The following FBN2 variants were observed in gnomAD, a reference collection of about 807,000 sequenced individuals.
FBN2 encodes the protein fibrillin-2.
Under a neutral mutation model 355.6 loss-of-function variants are expected in FBN2, and 105 were observed. That is an observed-to-expected ratio of 0.30 (90% CI 0.25 to 0.35). The LOEUF (loss-of-function observed/expected upper bound fraction) is 0.35, where lower values mean the gene tolerates loss of function less well. Ranked by LOEUF, FBN2 falls within the 10% of genes least tolerant of loss-of-function variation. The pLI is 1.00. For missense variants in FBN2, 3,280 were observed against 3,758.7 expected, an observed-to-expected ratio of 0.87 and a Z score of 3.33; for synonymous variants, 1,350 against 1,301.2, an observed-to-expected ratio of 1.04 and a Z score of -0.81.
intron 31 of FBN2, among the ~76,000 whole-genome samples, chr5:128,333,640 T>C (rs1581222596): frequency 6.6e-6 from 1 of 152,204 alleles, no homozygotes. Context: ...GGGAATGTTA[T>C]CTGGAAAGTA....
intron 7 of FBN2, among the ~76,000 whole-genome samples, chr5:128,426,393 T>G (rs1581282834): frequency 6.6e-6 from 1 of 152,268 alleles, no homozygotes; most frequent in African/African-American, 2.4e-5. Context: ...GCCTGTAGAC[T>G]TAGGACGATA....
chr5:128,393,677 G>A (rs1278452870), intron 9 of FBN2, among the ~76,000 whole-genome samples: 1 of 152,138 alleles, frequency 6.6e-6, no homozygotes, highest in Non-Finnish European at 1.5e-5. Context: ...TATAAATACA[G>A]AAAATTTACT....
At chr5:128,457,583 C>G (rs1420666414) in intron 6 of FBN2, among the ~76,000 whole-genome samples, 2 of 152,148 alleles carry the variant, frequency 1.3e-5, no homozygotes, top group African/African-American at 4.8e-5. Context: ...AAGGGAAGCA[C>G]ATCAGACTAA....
chr5:128,469,731 G>A (rs1754806406), intron 5 of FBN2, among the ~76,000 whole-genome samples: 1 of 152,098 alleles, frequency 6.6e-6, no homozygotes, highest in African/African-American at 2.4e-5. Context: ...AAAAATGAAC[G>A]GGTGAATGTG....
At chr5:128,296,829 C>G (rs1359177755) in intron 48 of FBN2, among the ~76,000 whole-genome samples, 1 of 151,916 alleles carries the variant, frequency 6.6e-6, no homozygotes, top group South Asian at 2.1e-4. Context: ...TTTTGTGTCT[C>G]TATTTCCTTC....
intron 36 of FBN2, among the ~76,000 whole-genome samples, chr5:128,317,476 G>A (rs1400113022): frequency 1.3e-5 from 2 of 152,046 alleles, no homozygotes; most frequent in South Asian, 4.1e-4. Flanking sequence ...TTTGCTGCAG[G>A]CCCAAAAACT....
intron 11 of FBN2, among the ~76,000 whole-genome samples, chr5:128,388,666 A>C (rs1752429809): frequency 6.6e-6 from 1 of 152,242 alleles, no homozygotes; most frequent in African/African-American, 2.4e-5. Flanking sequence ...ATAGGCACCC[A>C]AACTCTTCTG....
chr5:128,481,263 G>A (rs1755177536), intron 5 of FBN2, among the ~76,000 whole-genome samples: 1 of 152,158 alleles, frequency 6.6e-6, no homozygotes, highest in Non-Finnish European at 1.5e-5. Flanking sequence ...TCTGTGGTCT[G>A]TAAAAGACCC....
chr5:128,449,642 T>C (rs59943828), intron 6 of FBN2, among the ~76,000 whole-genome samples: 3,696 of 147,772 alleles, frequency 0.025, 129 homozygotes, highest in African/African-American at 0.088. Context: ...AGAAAAAGAG[T>C]AACAAAGAAT....
intron 32 of FBN2, among the ~76,000 whole-genome samples, chr5:128,331,152 A>G (rs1393448133): frequency 1.3e-5 from 2 of 152,236 alleles, no homozygotes; most frequent in Non-Finnish European, 2.9e-5. Context: ...GAAAAGACAG[A>G]TGTTAAACAC....
At chr5:128,299,118 G>T (rs1469310795) in intron 48 of FBN2, among the ~76,000 whole-genome samples, 2 of 152,140 alleles carry the variant, frequency 1.3e-5, no homozygotes, top group South Asian at 2.1e-4. Context: ...TGCCCCTGCT[G>T]GGGGGTGCCT....
At chr5:128,279,111 C>G (rs1295588024) in intron 56 of FBN2, among the ~76,000 whole-genome samples, 1 of 152,034 alleles carries the variant, frequency 6.6e-6, no homozygotes. Flanking sequence ...ATGATAGTGA[C>G]CTACCATTTC....
intron 19 of FBN2, among the ~76,000 whole-genome samples, chr5:128,359,681 G>A (rs1232290937): frequency 1.3e-5 from 2 of 152,040 alleles, no homozygotes; most frequent in Non-Finnish European, 2.9e-5. Flanking sequence ...GATTAAGTAT[G>A]CTTGTAATAA....
At chr5:128,301,093 C>G (rs2126834006) in intron 47 of FBN2, among the ~76,000 whole-genome samples, 157 bp from the exon 48 acceptor site, 1 of 152,326 alleles carries the variant, frequency 6.6e-6, no homozygotes. Context: ...CTTCTGACAT[C>G]TTGGATATTT....
At chr5:128,418,348 G>A (rs1459443943) in intron 7 of FBN2, among the ~76,000 whole-genome samples, 1 of 151,918 alleles carries the variant, frequency 6.6e-6, no homozygotes, top group East Asian at 1.9e-4. Flanking sequence ...ATTTTGCTTA[G>A]TTTTGCTCTG....
rs1271018243 is a variant in FBN2, at chr5:128,278,003, T to C, written c.7348A>G (p.Ile2450Val). The change falls in exon 58 of 65, where the codon ATT becomes GTT. Residue 2450 changes from isoleucine to valine, a missense_variant and splice_region_variant. Ile to Val is a conservative substitution (Grantham distance 29, BLOSUM62 3). Transcript: ENST00000262464. ...TTTGGCATTACCTTACATTCATCAA[T>C]ATCTGTGGACCAAAACAACAAAAAC... ...GPGYTTDGRD[I>V]DECKVMPNLC... 2 of 1,614,044 alleles carry C rather than the reference T, an allele frequency of 1.2e-6. No homozygotes were observed. The highest frequency in any genetic ancestry group is 4.5e-5 in the East Asian group (2 of 44,860).
intron 20 of FBN2, among the ~76,000 whole-genome samples, chr5:128,354,196 G>A (rs936220582): frequency 3.9e-5 from 6 of 152,182 alleles, no homozygotes; most frequent in African/African-American, 1.4e-4. Context: ...CTTACAATGT[G>A]GCACCTGAAT....
intron 56 of FBN2, 114 bp downstream of exon 56, chr5:128,280,078 T>G: frequency 3.5e-5 from 29 of 836,400 alleles, no homozygotes; most frequent in Non-Finnish European, 5.2e-5. Context: ...TGTGGATTAT[T>G]GAGATTGGGG....
intron 34 of FBN2, among the ~76,000 whole-genome samples, chr5:128,323,552 G>C (rs1044379854): frequency 7.9e-5 from 12 of 152,176 alleles, no homozygotes; most frequent in African/African-American, 2.9e-4. Flanking sequence ...AGATAATCAT[G>C]CAGTTTTTGT....
Sources: gnomAD v4.1 joint callset for allele counts (sites outside exome capture counted in the v4.1 genomes callset) on GRCh38, gnomAD v4.1.1 for gene constraint, MANE v1.5 for transcripts, NCBI Gene and HGNC (gene_info 2026-07-23, HGNC 2026-07-21) for gene names.